RIMS2: variants seen among roughly 807,000 people sequenced by gnomAD.
RIMS2 encodes regulating synaptic membrane exocytosis protein 2.
A neutral mutation model predicts 174.4 loss-of-function variants in RIMS2; 59 were observed. The ratio of observed to expected loss-of-function variants is 0.34; its 90% CI spans 0.27 to 0.42. The LOEUF (loss-of-function observed/expected upper bound fraction) is 0.42, where lower values mean the gene tolerates loss of function less well. Ranked by LOEUF, RIMS2 falls within the 10% of genes least tolerant of loss-of-function variation. RIMS2 has a pLI of 1.00. For synonymous variants in RIMS2, 606 were observed against 572.5 expected (o/e 1.06, Z -0.84); for missense variants, 1,620 against 1,666.3 (o/e 0.97, Z 0.48).
intron 19 of RIMS2, among the ~76,000 whole-genome samples, chr8:104,133,078 G>T (rs995085658): frequency 2.0e-5 from 3 of 152,168 alleles, no homozygotes; most frequent in Non-Finnish European, 2.9e-5. Context: ...TTAAGTTCTA[G>T]TGTCAGACTG....
chr8:104,199,025 A>G (rs1169909968), intron 19 of RIMS2, among the ~76,000 whole-genome samples: 3 of 149,706 alleles, frequency 2.0e-5, no homozygotes, highest in Non-Finnish European at 3.0e-5. Context: ...TTATGGAGGG[A>G]GGCTTAAAAT....
At chr8:104,188,467 G>A (rs13278759) in intron 19 of RIMS2, among the ~76,000 whole-genome samples, 1 of 151,452 alleles carries the variant, frequency 6.6e-6, no homozygotes, top group African/African-American at 2.4e-5. Flanking sequence ...TTATATGCTA[G>A]GCTTATAGAA....
intron 15 of RIMS2, among the ~76,000 whole-genome samples, chr8:103,964,155 G>A (rs2091088616): frequency 6.6e-6 from 1 of 152,152 alleles, no homozygotes. Context: ...GTTTTTGTGT[G>A]GACATGTTTT....
intron 3 of RIMS2, among the ~76,000 whole-genome samples, chr8:103,821,188 C>T (rs1382930684): frequency 1.3e-5 from 2 of 151,568 alleles, no homozygotes; most frequent in Non-Finnish European, 3.0e-5. Context: ...TTGTGTGCAT[C>T]CCTATCACTG....
At chr8:103,633,237 G>T (rs2135292763) in intron 1 of RIMS2, among the ~76,000 whole-genome samples, 1 of 149,116 alleles carries the variant, frequency 6.7e-6, no homozygotes, top group African/African-American at 2.5e-5. Context: ...AGTATAGATG[G>T]GTTTTCACCA....
exon 21 of RIMS2, chr8:104,248,756 G>A (rs2099348149): frequency 1.3e-5 from 21 of 1,613,600 alleles, no homozygotes; most frequent in Non-Finnish European, 1.8e-5. Context: ...TGATTTCCTG[G>A]ATGGCCTTGG....
At chr8:103,830,204 G>A (rs556665287) in intron 3 of RIMS2, among the ~76,000 whole-genome samples, 9 of 151,548 alleles carry the variant, frequency 5.9e-5, no homozygotes, top group East Asian at 5.8e-4. Flanking sequence ...CTTTTCTCTC[G>A]TTTGTCTACC....
intron 1 of RIMS2, among the ~76,000 whole-genome samples, chr8:103,647,427 T>A (rs902491784): frequency 3.3e-5 from 5 of 152,178 alleles, no homozygotes; most frequent in African/African-American, 4.8e-5. Flanking sequence ...ATCAGTATGA[T>A]GTTGACCTCA....
rs539855160 is a variant in RIMS2 at position 104,089,144 on chromosome 8, T to G, written c.3334+74529T>G. Among the ~76,000 whole-genome samples, 62 of 152,114 alleles carry G rather than the reference T, an allele frequency of 4.1e-4. 1 individual carries two copies. In the South Asian group the frequency reaches 0.012, roughly 30 times the overall value. On this transcript the variant is annotated intron_variant, in intron 19 of 23. Transcript: ENST00000504942. ...AGATCGTATTATCCTTCTTTGTTTT[T>G]GTTCCATTAAAGAGAATGGTTAACA...
intron 13 of RIMS2, among the ~76,000 whole-genome samples, chr8:103,938,082 A>G (rs1451291758): frequency 6.6e-6 from 1 of 152,108 alleles, no homozygotes; most frequent in Non-Finnish European, 1.5e-5. Context: ...TAAAAAGAAA[A>G]TGGTTCGATT....
At chr8:103,519,473 C>T (rs1021112438) in intron 1 of RIMS2, among the ~76,000 whole-genome samples, 1 of 152,072 alleles carries the variant, frequency 6.6e-6, no homozygotes, top group African/African-American at 2.4e-5. Context: ...ACACTCTTCT[C>T]TCTTTCCCAC....
At chr8:103,500,625 TG>T (rs1391730845), upstream of RIMS2, 5 of 417,578 alleles carry the variant, frequency 1.2e-5, no homozygotes, top group Admixed American at 4.4e-5. Context: ...CCCTTTCCCT[TG>T]AACCGCTCAC....
intron 3 of RIMS2, among the ~76,000 whole-genome samples, chr8:103,826,172 G>T (rs2098789723): frequency 1.3e-5 from 2 of 151,950 alleles, no homozygotes; most frequent in Non-Finnish European, 2.9e-5. Context: ...CCATTCTGTG[G>T]TTTGCCTGTT....
chr8:104,035,874 GACAA>G (rs989435919), intron 19 of RIMS2, among the ~76,000 whole-genome samples: 6 of 151,924 alleles, frequency 3.9e-5, no homozygotes, highest in Admixed American at 6.6e-5. Flanking sequence ...ATTTATGTAA[GACAA>G]ACAAATGTTT....
chr8:104,138,318 T>C (rs2098538364), intron 19 of RIMS2, among the ~76,000 whole-genome samples: 1 of 152,156 alleles, frequency 6.6e-6, no homozygotes, highest in Non-Finnish European at 1.5e-5. Context: ...GATAATATGG[T>C]AGTTCTGTTT....
At chr8:103,793,529 G>GA (rs1238028323) in intron 3 of RIMS2, among the ~76,000 whole-genome samples, 1 of 152,146 alleles carries the variant, frequency 6.6e-6, no homozygotes, top group East Asian at 1.9e-4. Flanking sequence ...ACAAGACAGG[G>GA]ATGCCCTCTC....
In RIMS2 at chr8:103,921,784, A is replaced by AT. The variant is rs774164257; in HGVS notation, c.2196_2196+1insT (p.Ser733Ter). ...CACAGTTCTTATCAGGACAACTTTC[A>AT]GTATGTAGTCATTACGTTTACTCTT... On this transcript the variant is annotated frameshift_variant and splice_region_variant. Transcript: ENST00000504942. LOFTEE classifies it high-confidence loss of function. 1 of 1,147,040 alleles carries AT rather than the reference A, an allele frequency of 8.7e-7. No individual in the cohort carries two copies. Among genetic ancestry groups the AT allele is most frequent in the South Asian group, 1.2e-5 (1 of 80,618 alleles). 71.1% of individuals were successfully genotyped at this position (1,147,040 alleles called of 1,614,324 possible).
At chr8:104,068,590 TG>T in intron 19 of RIMS2, 1 of 1,556,702 alleles carries the variant, frequency 6.4e-7, no homozygotes, top group Non-Finnish European at 8.7e-7. Flanking sequence ...GATCCCAGAC[TG>T]GAACAAGATT....
chr8:103,739,880 T>C (rs2097738846), intron 2 of RIMS2, among the ~76,000 whole-genome samples: 1 of 152,192 alleles, frequency 6.6e-6, no homozygotes, highest in Admixed American at 6.5e-5. Context: ...CTGGCTAGTC[T>C]GTTTCTTTGT....
Sources: gnomAD v4.1 joint callset for allele counts (sites outside exome capture counted in the v4.1 genomes callset) on GRCh38, gnomAD v4.1.1 for gene constraint, MANE v1.5 for transcripts, NCBI Gene and HGNC (gene_info 2026-07-23, HGNC 2026-07-21) for gene names.